Variants in PHLPP1 observed in about 807,000 individuals in gnomAD.
PHLPP1 encodes PH domain and leucine rich repeat protein phosphatase 1, also known as PH domain leucine-rich repeat-containing protein phosphatase 1.
In PHLPP1, 42 loss-of-function variants were observed where a neutral mutation model predicts 117.2. The ratio of observed to expected loss-of-function variants is 0.36; its 90% CI spans 0.28 to 0.46. PHLPP1 has a LOEUF of 0.46. Ranked by LOEUF, PHLPP1 falls within the 20% of genes least tolerant of loss-of-function variation. The pLI, the probability that PHLPP1 is intolerant of heterozygous loss-of-function variation, is 1.00. For synonymous variants in PHLPP1, 1,042 were observed against 970.7 expected (o/e 1.07, Z -1.37); for missense variants, 2,084 against 2,241.9 (o/e 0.93, Z 1.42).
At chr18:62,953,607 C>G (rs1443035331) in intron 12 of PHLPP1, among the ~76,000 whole-genome samples, 1 of 152,234 alleles carries the variant, frequency 6.6e-6, no homozygotes, top group Non-Finnish European at 1.5e-5. Context: ...AGGGCAGGGA[C>G]TGTGTCTGCC....
At chr18:62,875,571 C>T (rs919055583) in intron 4 of PHLPP1, among the ~76,000 whole-genome samples, 4 of 152,078 alleles carry the variant, frequency 2.6e-5, no homozygotes, top group African/African-American at 9.7e-5. Context: ...GAGGTCATTA[C>T]TGTTGCTAGG....
intron 10 of PHLPP1, among the ~76,000 whole-genome samples, chr18:62,932,279 A>G (rs914248927): frequency 7.9e-5 from 12 of 151,698 alleles, no homozygotes; most frequent in African/African-American, 9.7e-5. Flanking sequence ...CTATGAAACC[A>G]GTATCATCCT....
At chr18:62,867,201 CT>C (rs1381407212) in intron 4 of PHLPP1, among the ~76,000 whole-genome samples, 6 of 152,156 alleles carry the variant, frequency 3.9e-5, no homozygotes, top group African/African-American at 1.4e-4. Flanking sequence ...CCTTTTGAAT[CT>C]TTTGGCTCTT....
intron 1 of PHLPP1, among the ~76,000 whole-genome samples, chr18:62,776,072 AT>A (rs202004627): frequency 7.3e-5 from 11 of 151,482 alleles, no homozygotes; most frequent in African/African-American, 2.2e-4. Context: ...ATTTAAAAAA[AT>A]ATATATATAA....
rs1491446982 is a variant in PHLPP1, at chr18:62,766,102, T to TATATATAA, written c.1576+48844_1576+48845insTATATAAA. Reference sequence around the variant, plus strand: ...ATATATATATATATATATATATATATAAAATATATATATATTTGTACAGAA... The same window carrying TATATATAA: ...ATATATATATATATATATATATATATATATATAAAAAATATATATATATTTGTACAGAA... On this transcript the variant is annotated intron_variant, in intron 1 of 16. Coordinates refer to ENST00000262719, the MANE Select transcript of PHLPP1 (RefSeq NM_194449.4). 8.9e-4 allele frequency among the ~76,000 whole-genome samples: 54 copies of TATATATAA among 60,684 alleles called. 2 individuals carry two copies. Among genetic ancestry groups the TATATATAA allele is most frequent in the African/African-American group, 2.3e-3 (44 of 19,256 alleles). 39.8% of individuals were successfully genotyped at this position (60,684 alleles called of 152,430 possible).
At chr18:62,872,021 G>A (rs1277042700) in intron 4 of PHLPP1, among the ~76,000 whole-genome samples, 1 of 152,152 alleles carries the variant, frequency 6.6e-6, no homozygotes, top group Non-Finnish European at 1.5e-5. Context: ...CCTAGAGTTT[G>A]TAAATATAGA....
intron 11 of PHLPP1, 132 bp from the exon 12 acceptor site, chr18:62,944,977 A>AG: frequency 1.6e-6 from 1 of 615,050 alleles, no homozygotes; most frequent in Non-Finnish European, 2.6e-6. Flanking sequence ...CCAAAATGAT[A>AG]GTGAAAAAAT....
intron 8 of PHLPP1, among the ~76,000 whole-genome samples, chr18:62,912,887 C>T (rs1916997290): frequency 6.6e-6 from 1 of 152,238 alleles, no homozygotes; most frequent in Non-Finnish European, 1.5e-5. Flanking sequence ...TCCCAAAGGG[C>T]TGGGATTATA....
chr18:62,813,544 T>C (rs1914183724), intron 1 of PHLPP1, among the ~76,000 whole-genome samples: 1 of 152,182 alleles, frequency 6.6e-6, no homozygotes, highest in Admixed American at 6.5e-5. Context: ...GCTTCTTTGG[T>C]CTAGGTATAA....
intron 1 of PHLPP1, among the ~76,000 whole-genome samples, chr18:62,718,153 T>C (rs1910817145): frequency 6.6e-6 from 1 of 152,234 alleles, no homozygotes; most frequent in Admixed American, 6.5e-5. Flanking sequence ...TGCTGGATAT[T>C]GTACTTGAGT....
chr18:62,928,730 AC>A (rs1448751293), intron 10 of PHLPP1, among the ~76,000 whole-genome samples: 1 of 152,194 alleles, frequency 6.6e-6, no homozygotes, highest in African/African-American at 2.4e-5. Flanking sequence ...ATTATTCATA[AC>A]AACTGGAAAG....
At chr18:62,817,958 G>A (rs1341226809) in intron 1 of PHLPP1, among the ~76,000 whole-genome samples, 1 of 149,196 alleles carries the variant, frequency 6.7e-6, no homozygotes, top group African/African-American at 2.5e-5. Context: ...AGGTTCAAGC[G>A]ATTCTCCTGC....
chr18:62,972,437 A>G, intron 14 of PHLPP1, 77 bp from the exon 15 acceptor site: 1 of 1,338,622 alleles, frequency 7.5e-7, no homozygotes, highest in Non-Finnish European at 1.0e-6. Context: ...AGTTAGGAAA[A>G]TCTTGAAATA....
chr18:62,979,249 C>T lies in PHLPP1; in HGVS notation c.4972C>T (p.Pro1658Ser). The change falls in exon 17 of 17, where the codon CCG becomes TCG. Residue 1658 changes from proline to serine, a missense_variant. Coordinates refer to ENST00000262719, the MANE Select transcript of PHLPP1 (RefSeq NM_194449.4). Reference protein sequence around the residue: ...PGGYFAAPAQPDPDDQFIIPP... With the variant: ...PGGYFAAPAQSDPDDQFIIPP... ...AGGCTATTTTGCTGCCCCGGCTCAG[C>T]CGGATCCTGATGATCAGTTTATCAT... 6.3e-7 allele frequency: 1 copy of T among 1,587,834 alleles called. No homozygotes were observed. Among genetic ancestry groups the T allele is most frequent in the Non-Finnish European group, 8.6e-7 (1 of 1,166,672 alleles).
At position 62,821,548 on chromosome 18, in the gene PHLPP1, C is replaced by CAAAAAAAAAAAAAAAAAAAAAAAAAA. The variant is rs1568127680; in HGVS notation, c.1577-8487_1577-8486insAAAAAAAAAAAAAAAAAAAAAAAAAA. Reference sequence around the variant, plus strand: ...TGGGTGACAGAGTGAGACCCTTTATCCAAAAAAAAAAAAAAAAAAAAAAGA... The same window carrying CAAAAAAAAAAAAAAAAAAAAAAAAAA: ...TGGGTGACAGAGTGAGACCCTTTATCAAAAAAAAAAAAAAAAAAAAAAAAAACAAAAAAAAAAAAAAAAAAAAAAGA... On this transcript the variant is annotated intron_variant, in intron 1 of 16. Transcript: ENST00000262719. 1.1e-3 allele frequency among the ~76,000 whole-genome samples: 32 copies of CAAAAAAAAAAAAAAAAAAAAAAAAAA among 29,274 alleles called. 1 individual carries two copies. The highest frequency in any genetic ancestry group is 2.4e-3 in the South Asian group (1 of 416). 19.2% of individuals were successfully genotyped at this position (29,274 alleles called of 152,430 possible). A position where few individuals can be genotyped will look rare whatever the true frequency, so the allele number is the denominator to read the frequency against.
chr18:62,947,877 T>C (rs535976006), intron 12 of PHLPP1, among the ~76,000 whole-genome samples: 1 of 151,514 alleles, frequency 6.6e-6, no homozygotes, highest in Admixed American at 6.6e-5. Context: ...AATACAAAAA[T>C]AAGCCAGGCA....
At chr18:62,956,031 G>GA (rs1252124576) in intron 12 of PHLPP1, among the ~76,000 whole-genome samples, 3 of 151,942 alleles carry the variant, frequency 2.0e-5, no homozygotes, top group East Asian at 1.9e-4. Context: ...ATTTATAATT[G>GA]AAAAAAACAA....
intron 3 of PHLPP1, among the ~76,000 whole-genome samples, chr18:62,851,874 T>TTTTTC (rs1226708226): frequency 6.6e-6 from 1 of 152,068 alleles, no homozygotes; most frequent in Non-Finnish European, 1.5e-5. Context: ...TGCGTAATCT[T>TTTTTC]TTTTCTTTTC....
chr18:62,770,713 G>A (rs1479129257), intron 1 of PHLPP1, among the ~76,000 whole-genome samples: 3 of 151,730 alleles, frequency 2.0e-5, no homozygotes, highest in Non-Finnish European at 4.4e-5. Flanking sequence ...TTTGGAACCG[G>A]AAGTGTTTTG....
Sources: gnomAD v4.1 joint callset for allele counts (sites outside exome capture counted in the v4.1 genomes callset) on GRCh38, gnomAD v4.1.1 for gene constraint, MANE v1.5 for transcripts, NCBI Gene and HGNC (gene_info 2026-07-23, HGNC 2026-07-21) for gene names.